Variants in NTM observed in about 807,000 individuals in gnomAD.
NTM encodes IgLON family member 2.
In NTM, 13 loss-of-function variants were observed where a neutral mutation model predicts 42.1. The observed-to-expected ratio is 0.31, with a 90% CI of 0.20 to 0.49. The LOEUF is 0.49. NTM is among the 20% of genes least tolerant of loss of function. The pLI is 0.99. For missense variants in NTM, 373 were observed against 452.8 expected, an observed-to-expected ratio of 0.82 and a Z score of 1.60; for synonymous variants, 187 against 179.2, an observed-to-expected ratio of 1.04 and a Z score of -0.35.
chr11:131,778,733 A>C (rs527646523), intron 1 of NTM, among the ~76,000 whole-genome samples: 1 of 152,286 alleles, frequency 6.6e-6, no homozygotes, highest in South Asian at 2.1e-4. Flanking sequence ...TTTTCTCAAA[A>C]CTTCTGATGA....
intron 3 of NTM, among the ~76,000 whole-genome samples, chr11:132,188,083 G>A (rs2078711509): frequency 6.6e-6 from 1 of 152,124 alleles, no homozygotes; most frequent in African/African-American, 2.4e-5. Flanking sequence ...ATCCTAGTTT[G>A]TCACAACTCT....
chr11:131,809,539 T>C (rs568724736), intron 1 of NTM, among the ~76,000 whole-genome samples: 1 of 152,332 alleles, frequency 6.6e-6, no homozygotes, highest in African/African-American at 2.4e-5. Context: ...TTCACAGTTA[T>C]GCCCAGCACT....
intron 1 of NTM, among the ~76,000 whole-genome samples, chr11:131,424,647 G>A (rs1181233674): frequency 6.9e-5 from 7 of 102,056 alleles, no homozygotes; most frequent in Admixed American, 1.3e-4. Context: ...TGCAAGTTCC[G>A]CCTCCTGGGT....
Position 131,401,824 on chromosome 11 carries a change from A to ATATATGTG in NTM, c.82+30941_82+30942insGTGTATAT, listed in dbSNP as rs1555101768. On this transcript the variant is annotated intron_variant, in intron 1 of 8. Coordinates refer to ENST00000683400, the MANE Select transcript of NTM (RefSeq NM_001352005.2). ...AATATATATATATATATATATATATATATATATATATATATATATATATAT... is the reference window on the plus strand; with the variant it reads ...AATATATATATATATATATATATATATATATGTGTATATATATATATATATATATATAT... 1.4e-3 allele frequency among the ~76,000 whole-genome samples: 87 copies of ATATATGTG among 64,100 alleles called. 1 individual carries two copies. The highest frequency in any genetic ancestry group is 2.1e-3 in the Non-Finnish European group (64 of 30,642). The allele number at this position is 64,100 out of a possible 152,430, so 42.1% of individuals were successfully genotyped here.
chr11:131,955,630 A>C (rs899121958), intron 2 of NTM, among the ~76,000 whole-genome samples: 3 of 152,168 alleles, frequency 2.0e-5, no homozygotes, highest in Non-Finnish European at 2.9e-5. Flanking sequence ...GACTTTCCTA[A>C]GGTAAGAATC....
intron 2 of NTM, among the ~76,000 whole-genome samples, chr11:131,946,091 G>A (rs1340784491): frequency 6.6e-6 from 1 of 152,170 alleles, no homozygotes; most frequent in East Asian, 1.9e-4. Context: ...GAATGAGAAA[G>A]CGATCCCGGA....
intron 2 of NTM, among the ~76,000 whole-genome samples, chr11:131,996,379 G>T (rs75853600): frequency 1.3e-5 from 2 of 152,124 alleles, no homozygotes; most frequent in Admixed American, 6.5e-5. Flanking sequence ...ACAAGAGATG[G>T]ACGCGCTAGG....
chr11:131,615,657 A>C (rs1401078211), intron 1 of NTM, among the ~76,000 whole-genome samples: 1 of 152,182 alleles, frequency 6.6e-6, no homozygotes, highest in African/African-American at 2.4e-5. Flanking sequence ...GGCGTGAGCC[A>C]CCGCACCCGG....
At chr11:131,968,444 A>G (rs1297381416) in intron 2 of NTM, among the ~76,000 whole-genome samples, 1 of 152,148 alleles carries the variant, frequency 6.6e-6, no homozygotes, top group Non-Finnish European at 1.5e-5. Context: ...TCTTAAACAT[A>G]TTAAGGTTAA....
chr11:131,696,961 G>A (rs935625418), intron 1 of NTM, among the ~76,000 whole-genome samples: 15 of 152,200 alleles, frequency 9.9e-5, no homozygotes, highest in African/African-American at 3.4e-4. Flanking sequence ...CTTGCCCCTG[G>A]CACTGAAGAC....
At chr11:131,622,186 T>C (rs1468325291) in intron 1 of NTM, among the ~76,000 whole-genome samples, 8 of 152,136 alleles carry the variant, frequency 5.3e-5, no homozygotes, top group Non-Finnish European at 8.8e-5. Context: ...TTCCTGTAAT[T>C]AGGTAAAAGT....
intron 1 of NTM, among the ~76,000 whole-genome samples, chr11:131,623,725 C>T (rs893658831): frequency 6.6e-6 from 1 of 152,218 alleles, no homozygotes. Flanking sequence ...CTGGGCCAGG[C>T]CCACTCTCCC....
At chr11:131,415,347 C>G (rs573666272) in intron 1 of NTM, among the ~76,000 whole-genome samples, 2 of 152,210 alleles carry the variant, frequency 1.3e-5, no homozygotes, top group African/African-American at 4.8e-5. Context: ...TTTGGAACCC[C>G]CTCTGAGCCC....
intron 2 of NTM, among the ~76,000 whole-genome samples, chr11:132,139,511 T>G (rs2068662655): frequency 6.6e-6 from 1 of 152,230 alleles, no homozygotes; most frequent in African/African-American, 2.4e-5. Flanking sequence ...TTTGAGAGGA[T>G]ACTACTGTAT....
intron 1 of NTM, among the ~76,000 whole-genome samples, chr11:131,500,059 C>T (rs983516363): frequency 1.3e-5 from 2 of 152,184 alleles, no homozygotes; most frequent in Non-Finnish European, 2.9e-5. Context: ...AGTGTGTTGC[C>T]CTAGGTCTCA....
intron 1 of NTM, among the ~76,000 whole-genome samples, chr11:131,639,812 C>T (rs879740038): frequency 3.6e-4 from 54 of 151,994 alleles, no homozygotes; most frequent in Non-Finnish European, 5.9e-4. Context: ...AAAAATTAGC[C>T]GGGTGTGGTG....
Position 131,370,637 on chromosome 11 carries a change from C to A in NTM, c.-170C>A, listed in dbSNP as rs908448027. 3 of 611,348 alleles carry A rather than the reference C, an allele frequency of 4.9e-6. No individual in the cohort carries two copies. The highest frequency in any genetic ancestry group is 2.0e-5 in the South Asian group (1 of 48,934). 37.9% of individuals were successfully genotyped at this position (611,348 alleles called of 1,614,324 possible). ...GCCAGAGTATGAGTGGAGATAATTA[C>A]GGAGAAGTCATACTCTCTCACACCC... On this transcript the variant is annotated 5_prime_UTR_variant, in exon 1 of 9. The change creates a premature stop within an existing upstream ORF in the 5' untranslated region. Coordinates refer to ENST00000683400, the MANE Select transcript of NTM (RefSeq NM_001352005.2).
intron 1 of NTM, among the ~76,000 whole-genome samples, chr11:131,456,509 C>T (rs1950907177): frequency 1.3e-5 from 2 of 152,294 alleles, no homozygotes; most frequent in South Asian, 4.1e-4. Flanking sequence ...GCTCCCAAAA[C>T]AGACAGGCCC....
chr11:131,783,351 G>A lies in NTM; in HGVS notation c.83-128213G>A, dbSNP rs534617932. Among the ~76,000 whole-genome samples the A allele has an allele frequency of 1.8e-4, 28 of 152,214 alleles. No individual in the cohort carries two copies. In the East Asian group the frequency reaches 1.9e-3, roughly 10 times the overall value. ...CTCAATAAAAAAGAAGAGACAGTGC[G>A]CCATATCCATGGGTTGGAAGATGAT... On this transcript the variant is annotated intron_variant, in intron 1 of 8. Coordinates refer to ENST00000683400, the MANE Select transcript of NTM (RefSeq NM_001352005.2).
Sources: allele counts gnomAD v4.1 joint callset (sites outside exome capture counted in the v4.1 genomes callset), GRCh38; gene constraint gnomAD v4.1.1; transcripts MANE v1.5; gene names NCBI Gene and HGNC (gene_info 2026-07-23, HGNC 2026-07-21).